The following POU6F2 variants were observed in gnomAD, a reference collection of about 807,000 sequenced individuals.
POU6F2 encodes the protein POU class 6 homeobox 2.
Under a neutral mutation model 71.3 loss-of-function variants are expected in POU6F2, and 31 were observed. The ratio of observed to expected loss-of-function variants is 0.43; its 90% CI spans 0.33 to 0.59. The LOEUF is 0.59. POU6F2 is among the 20% of genes least tolerant of loss of function. The probability of loss-of-function intolerance (pLI) is 0.04; values close to 1 mark genes in which losing one functional copy is unlikely to be tolerated. For missense variants in POU6F2, 783 were observed against 856.8 expected (o/e 0.91, Z 1.07); for synonymous variants, 347 against 355.7 (o/e 0.98, Z 0.27).
At position 39,297,483 on chromosome 7, in the gene POU6F2, AC is replaced by A. The variant is rs1391421756; in HGVS notation, c.599-42158del. ...CAGACCAATCTCTTATCTGACTACT[AC>A]TTGAACCAAAAAGTAGGGAAACCGG... On this transcript the variant is annotated intron_variant, in intron 4 of 9. Coordinates refer to ENST00000518318, the MANE Select transcript of POU6F2 (RefSeq NM_001370959.1). Among the ~76,000 whole-genome samples the A allele has an allele frequency of 6.6e-5, 10 of 152,332 alleles. No individual in the cohort carries two copies. The East Asian group carries it at 1.7e-3, about 26-fold the overall frequency.
chr7:39,415,307 G>A (rs929918394), intron 6 of POU6F2, among the ~76,000 whole-genome samples: 1 of 152,214 alleles, frequency 6.6e-6, no homozygotes, highest in Non-Finnish European at 1.5e-5. Context: ...ACAGGCGTGA[G>A]CCACCGCTCC....
intron 4 of POU6F2, among the ~76,000 whole-genome samples, chr7:39,262,425 T>C (rs1246338834): frequency 6.6e-6 from 1 of 152,210 alleles, no homozygotes; most frequent in Admixed American, 6.5e-5. Context: ...ATTTTCTTTT[T>C]CTCAGAGCCT....
In POU6F2 at chr7:39,468,178, T is replaced by C. The variant is rs1037869338; in HGVS notation, c.*3492T>C. On this transcript the variant is annotated 3_prime_UTR_variant, in exon 10 of 10. Transcript: ENST00000518318. ...TATGTGAGGCACATTTGTTTATTTG[T>C]TGTTAAGAAAGTGATTTTTTTTTTT... 1 of 151,700 alleles carries C rather than the reference T, an allele frequency of 6.6e-6. No individual in the cohort carries two copies. Among genetic ancestry groups the C allele is most frequent in the African/African-American group, 2.4e-5 (1 of 41,248 alleles). 9.4% of individuals were successfully genotyped at this position (151,700 alleles called of 1,614,324 possible).
chr7:39,012,086 G>T lies in POU6F2; in HGVS notation c.105+34028G>T, dbSNP rs1371743331. Among the ~76,000 whole-genome samples, 10 of 151,684 alleles carry T rather than the reference G, an allele frequency of 6.6e-5. No individual in the cohort carries two copies. The East Asian group carries it at 1.9e-3, about 30-fold the overall frequency. On this transcript the variant is annotated intron_variant, in intron 1 of 9. Coordinates refer to ENST00000518318, the MANE Select transcript of POU6F2 (RefSeq NM_001370959.1). ...ACGTTGGCCTGCCTTGCTAGATTGG[G>T]GAAGTTCTCCTGGATAATATCCTGC...
At chr7:39,458,507 G>T (rs1467672549) in intron 8 of POU6F2, among the ~76,000 whole-genome samples, 1 of 152,014 alleles carries the variant, frequency 6.6e-6, no homozygotes, top group Non-Finnish European at 1.5e-5. Flanking sequence ...TGCGACTGCC[G>T]AAGTGAGCTC....
intron 1 of POU6F2, among the ~76,000 whole-genome samples, chr7:38,985,943 GA>G: frequency 6.6e-6 from 1 of 151,964 alleles, no homozygotes; most frequent in Non-Finnish European, 1.5e-5. Context: ...TTTCTTTTCT[GA>G]AAACTTTTTT....
At position 39,434,513 on chromosome 7, in the gene POU6F2, A is replaced by T. The variant is rs567213217; in HGVS notation, c.1320+1230A>T. Among the ~76,000 whole-genome samples, 24 of 152,084 alleles carry T rather than the reference A, an allele frequency of 1.6e-4. 1 individual carries two copies. In the South Asian group the frequency reaches 5.0e-3, roughly 32 times the overall value. ...TGCCTGGCATACAGTAAGCACTAAC[A>T]TAGTTGTGATGATAGTGATGATGAT... is the stretch of plus-strand genomic sequence containing the variant. On this transcript the variant is annotated intron_variant, in intron 7 of 9. Coordinates refer to ENST00000518318, the MANE Select transcript of POU6F2 (RefSeq NM_001370959.1).
At chr7:39,203,553 C>G (rs1793948752) in intron 2 of POU6F2, among the ~76,000 whole-genome samples, 1 of 152,152 alleles carries the variant, frequency 6.6e-6, no homozygotes, top group African/African-American at 2.4e-5. Flanking sequence ...AGGATTTGCT[C>G]TTTGGTGGAA....
chr7:39,159,614 T>G (rs1792948214), intron 2 of POU6F2, among the ~76,000 whole-genome samples: 1 of 152,132 alleles, frequency 6.6e-6, no homozygotes, highest in Non-Finnish European at 1.5e-5. Context: ...GCAAAGCACC[T>G]CAGGAGAAAA....
At chr7:39,024,043 A>G (rs528852412) in intron 1 of POU6F2, among the ~76,000 whole-genome samples, 19 of 152,274 alleles carry the variant, frequency 1.2e-4, no homozygotes, top group Admixed American at 1.1e-3. Context: ...TCTGTGAAGA[A>G]AGTCATTGGT....
At chr7:39,356,152 A>G (rs1345463543) in intron 5 of POU6F2, among the ~76,000 whole-genome samples, 1 of 152,302 alleles carries the variant, frequency 6.6e-6, no homozygotes, top group Non-Finnish European at 1.5e-5. Context: ...AACCACTGTC[A>G]AGTTAATCTT....
intron 7 of POU6F2, among the ~76,000 whole-genome samples, chr7:39,434,174 G>A (rs753715316): frequency 6.6e-6 from 1 of 152,072 alleles, no homozygotes; most frequent in South Asian, 2.1e-4. Flanking sequence ...CCAAGTAAAC[G>A]AAGGGTTAAT....
At chr7:39,007,552 T>G (rs12671733) in intron 1 of POU6F2, among the ~76,000 whole-genome samples, 2 of 152,058 alleles carry the variant, frequency 1.3e-5, no homozygotes, top group Non-Finnish European at 2.9e-5. Flanking sequence ...ATACTTTAAG[T>G]TTTAGGGTAC....
chr7:39,384,270 T>A (rs1435042916), intron 5 of POU6F2, among the ~76,000 whole-genome samples: 4 of 152,210 alleles, frequency 2.6e-5, no homozygotes, highest in Non-Finnish European at 5.9e-5. Context: ...GATCAAATGC[T>A]CCTGGGCATG....
intron 5 of POU6F2, among the ~76,000 whole-genome samples, chr7:39,389,514 G>A (rs1787020501): frequency 6.6e-6 from 1 of 152,136 alleles, no homozygotes; most frequent in Admixed American, 6.5e-5. Flanking sequence ...GTGAAGGATA[G>A]CAATTGATCT....
chr7:39,371,540 C>T (rs1786610366), intron 5 of POU6F2, among the ~76,000 whole-genome samples: 2 of 152,140 alleles, frequency 1.3e-5, no homozygotes. Flanking sequence ...CCTCTCTCCT[C>T]CTCCCTCCAT....
At chr7:39,022,443 A>C (rs1789698633) in intron 1 of POU6F2, among the ~76,000 whole-genome samples, 1 of 152,032 alleles carries the variant, frequency 6.6e-6, no homozygotes, top group South Asian at 2.1e-4. Context: ...TGTGCGCTTC[A>C]ATCAGTTTTG....
intron 2 of POU6F2, among the ~76,000 whole-genome samples, chr7:39,107,943 A>C (rs1466907425): frequency 6.6e-6 from 1 of 152,222 alleles, no homozygotes; most frequent in Non-Finnish European, 1.5e-5. Flanking sequence ...ACAGCAGAGC[A>C]AGAAAAGCCT....
intron 2 of POU6F2, among the ~76,000 whole-genome samples, chr7:39,152,407 C>T (rs1300954960): frequency 6.6e-6 from 1 of 152,078 alleles, no homozygotes; most frequent in African/African-American, 2.4e-5. Context: ...GAGAGAGATA[C>T]GAAGGAAGGC....
Sources: allele counts gnomAD v4.1 joint callset (sites outside exome capture counted in the v4.1 genomes callset), GRCh38; gene constraint gnomAD v4.1.1; transcripts MANE v1.5; gene names NCBI Gene and HGNC (gene_info 2026-07-23, HGNC 2026-07-21).